Variants in ATP8A2 observed in about 807,000 individuals in gnomAD.
ATP8A2 encodes phospholipid-transporting ATPase IB.
ATP8A2 carries 100 observed loss-of-function variants against 165.6 expected under a neutral mutation model. That is an observed-to-expected ratio of 0.60 (90% CI 0.51 to 0.71). The LOEUF is 0.71. ATP8A2 is among the 30% of genes least tolerant of loss of function. The probability of loss-of-function intolerance (pLI) is 0.00; values close to 1 mark genes in which losing one functional copy is unlikely to be tolerated. For synonymous variants in ATP8A2, 543 were observed against 548.8 expected (o/e 0.99, Z 0.15); for missense variants, 1,227 against 1,479.5 (o/e 0.83, Z 2.80).
At position 25,504,014 on chromosome 13, in the gene ATP8A2, C is replaced by T. The variant is rs113638770; in HGVS notation, c.222-25985C>T. On this transcript the variant is annotated intron_variant, in intron 2 of 36. Transcript: ENST00000381655. ...AGTAACATTCTATGTCTGAACTCCTCGAGCTGCAAGAGGTGATTCTGTCAT... is the reference window on the plus strand; with the variant it reads ...AGTAACATTCTATGTCTGAACTCCTTGAGCTGCAAGAGGTGATTCTGTCAT... Among the ~76,000 whole-genome samples, 1,047 of 152,272 alleles carry T rather than the reference C, an allele frequency of 6.9e-3. 12 individuals are homozygous for T. The highest frequency in any genetic ancestry group is 0.024 in the African/African-American group (991 of 41,558).
rs558018751 is a variant in ATP8A2, at chr13:25,594,482, C to G, written c.2211+4783C>G. Among the ~76,000 whole-genome samples, 16 of 152,166 alleles carry G rather than the reference C, an allele frequency of 1.1e-4. No homozygotes were observed. In the South Asian group the frequency reaches 3.1e-3, roughly 30 times the overall value. On this transcript the variant is annotated intron_variant, in intron 24 of 36. Transcript: ENST00000381655. ...ACAGGTGGTATTTGGTTACATGAGT[C>G]AGTTCTTTAGCGGTGGTTCGTGAGA...
intron 30 of ATP8A2, among the ~76,000 whole-genome samples, chr13:25,849,081 C>T (rs1391583932): frequency 2.0e-5 from 3 of 151,928 alleles, no homozygotes; most frequent in African/African-American, 7.3e-5. Context: ...GCTGGAAGCT[C>T]CTGAAGGGAA....
intron 16 of ATP8A2, among the ~76,000 whole-genome samples, 164 bp downstream of exon 16, chr13:25,564,195 G>A (rs2039246330): frequency 6.6e-6 from 1 of 152,200 alleles, no homozygotes; most frequent in Non-Finnish European, 1.5e-5. Context: ...ATGCTTTGTG[G>A]TGAACGCTAT....
chr13:25,436,713 CA>C (rs1271441850), intron 1 of ATP8A2, among the ~76,000 whole-genome samples: 2 of 152,100 alleles, frequency 1.3e-5, no homozygotes, highest in African/African-American at 2.4e-5. Flanking sequence ...AACTAATTTA[CA>C]TTCCCACCAG....
intron 9 of ATP8A2, 100 bp downstream of exon 9, chr13:25,542,146 A>T (rs2038499218): frequency 1.2e-5 from 16 of 1,281,864 alleles, no homozygotes; most frequent in Non-Finnish European, 1.5e-5. Flanking sequence ...AATATTTTAA[A>T]ACAGTGAGAT....
At chr13:25,463,479 G>T (rs2035558738) in intron 1 of ATP8A2, among the ~76,000 whole-genome samples, 1 of 152,066 alleles carries the variant, frequency 6.6e-6, no homozygotes, top group African/African-American at 2.4e-5. Context: ...AAACCTGTCA[G>T]CATTTTTCAT....
chr13:25,541,227 T>A (rs753727943), intron 8 of ATP8A2, among the ~76,000 whole-genome samples: 1 of 152,214 alleles, frequency 6.6e-6, no homozygotes, highest in Non-Finnish European at 1.5e-5. Context: ...AAAAAACTTT[T>A]GCTGCTTAAA....
intron 2 of ATP8A2, among the ~76,000 whole-genome samples, chr13:25,481,906 C>G (rs963910163): frequency 6.6e-6 from 1 of 152,086 alleles, no homozygotes; most frequent in Non-Finnish European, 1.5e-5. Flanking sequence ...TCATCTAATC[C>G]TAATTATCTC....
intron 33 of ATP8A2, among the ~76,000 whole-genome samples, chr13:25,919,968 A>G (rs1954398885): frequency 1.3e-5 from 2 of 151,974 alleles, no homozygotes; most frequent in South Asian, 4.2e-4. Context: ...TCAACTGTTT[A>G]TACAAACAGG....
chr13:25,615,950 C>T (rs978205213), intron 24 of ATP8A2, among the ~76,000 whole-genome samples: 15 of 152,196 alleles, frequency 9.9e-5, no homozygotes, highest in African/African-American at 2.2e-4. Flanking sequence ...TGGATTCTCT[C>T]GACTCTCCTG....
chr13:25,589,636 G>T lies in ATP8A2; in HGVS notation c.2148G>T (p.Gly716=), dbSNP rs758847614. ...GDKQETAINI[G]YSCRLVSQNM... is the part of the protein sequence containing the mutation. ...ATGTTGTCTCTTCCTCCACTTCAGG[G>T]TATTCCTGCCGATTGGTATCGCAGA... Residue 716 remains glycine (G), a splice_region_variant and synonymous_variant, in exon 24 of 37, where the codon GGG becomes GGT. Coordinates refer to ENST00000381655, the MANE Select transcript of ATP8A2 (RefSeq NM_016529.6). 2 of 1,609,064 alleles carry T rather than the reference G, an allele frequency of 1.2e-6. No homozygotes were observed. Among genetic ancestry groups the T allele is most frequent in the African/African-American group, 2.7e-5 (2 of 74,808 alleles).
intron 33 of ATP8A2, among the ~76,000 whole-genome samples, chr13:25,903,583 G>T (rs761541086): frequency 2.0e-5 from 3 of 152,192 alleles, no homozygotes; most frequent in Non-Finnish European, 2.9e-5. Context: ...GACCACTGTT[G>T]ATTATCCCTG....
chr13:25,651,029 T>C (rs1430806958), intron 24 of ATP8A2, among the ~76,000 whole-genome samples: 1 of 152,236 alleles, frequency 6.6e-6, no homozygotes, highest in African/African-American at 2.4e-5. Flanking sequence ...TTTCCCTCTT[T>C]ATCTCCTTTG....
chr13:25,985,213 A>G (rs1236186935), intron 35 of ATP8A2, among the ~76,000 whole-genome samples: 2 of 152,246 alleles, frequency 1.3e-5, no homozygotes, highest in African/African-American at 4.8e-5. Flanking sequence ...ACAAGAATGG[A>G]AAAGAGAATA....
chr13:25,891,685 G>A (rs981685857), intron 33 of ATP8A2, among the ~76,000 whole-genome samples: 11 of 152,220 alleles, frequency 7.2e-5, no homozygotes, highest in African/African-American at 2.4e-4. Flanking sequence ...CTATTCATTA[G>A]GGGGCTCTGT....
At chr13:25,837,936 C>A (rs1740143926) in intron 29 of ATP8A2, among the ~76,000 whole-genome samples, 1 of 152,208 alleles carries the variant, frequency 6.6e-6, no homozygotes, top group Admixed American at 6.5e-5. Flanking sequence ...GCAGAGGGGT[C>A]TGCCACACAG....
intron 2 of ATP8A2, among the ~76,000 whole-genome samples, chr13:25,500,949 AT>A (rs995736360): frequency 1.3e-5 from 2 of 152,172 alleles, no homozygotes; most frequent in African/African-American, 2.4e-5. Context: ...TTACCTGTGC[AT>A]TTTTTTATTT....
chr13:25,925,884 C>T (rs1456240869), intron 33 of ATP8A2, among the ~76,000 whole-genome samples: 1 of 151,880 alleles, frequency 6.6e-6, no homozygotes, highest in Non-Finnish European at 1.5e-5. Context: ...CGCCACCATG[C>T]CTGCCTAATT....
chr13:25,604,396 G>A (rs1422898071), intron 24 of ATP8A2, among the ~76,000 whole-genome samples: 1 of 152,140 alleles, frequency 6.6e-6, no homozygotes, highest in East Asian at 1.9e-4. Flanking sequence ...GAATTGGGTG[G>A]AGAACAACTG....
Sources: gnomAD v4.1 joint callset for allele counts (sites outside exome capture counted in the v4.1 genomes callset) on GRCh38, gnomAD v4.1.1 for gene constraint, MANE v1.5 for transcripts, NCBI Gene and HGNC (gene_info 2026-07-23, HGNC 2026-07-21) for gene names.